The following UVRAG variants were observed in gnomAD, a reference collection of about 807,000 sequenced individuals.
UVRAG encodes UV radiation resistance associated.
UVRAG carries 19 observed loss-of-function variants against 78.0 expected under a neutral mutation model. The observed-to-expected ratio is 0.24, with a 90% CI of 0.17 to 0.36. The LOEUF (loss-of-function observed/expected upper bound fraction) is 0.36. Among genes scored for constraint, UVRAG ranks in the 10% least tolerant of loss-of-function variants. UVRAG has a pLI of 1.00. For synonymous variants in UVRAG, 323 were observed against 324.6 expected (o/e 1.00, Z 0.05); for missense variants, 740 against 853.8 (o/e 0.87, Z 1.66).
At chr11:75,960,926 C>A (rs1948897150) in intron 6 of UVRAG, among the ~76,000 whole-genome samples, 1 of 152,058 alleles carries the variant, frequency 6.6e-6, no homozygotes, top group Non-Finnish European at 1.5e-5. Flanking sequence ...GTATTTAATT[C>A]CTCCTATTAC....
At chr11:75,995,427 A>AT in intron 8 of UVRAG, among the ~76,000 whole-genome samples, 1 of 151,980 alleles carries the variant, frequency 6.6e-6, no homozygotes, top group East Asian at 1.9e-4. Context: ...ATTTCAGTGA[A>AT]TAAAAAGTTG....
At position 75,878,116 on chromosome 11, in the gene UVRAG, C is replaced by T. The variant is rs575210398; in HGVS notation, c.271-1763C>T. On this transcript the variant is annotated intron_variant, in intron 3 of 14. Coordinates refer to ENST00000356136, the MANE Select transcript of UVRAG (RefSeq NM_003369.4). The stretch of plus-strand genomic sequence containing the variant: ...CTCACTTCTCAGATGGGGCGGTTGC[C>T]GGGCGGAGGGTCTCCTCCCTTCTCA... Among the ~76,000 whole-genome samples, 88 of 150,142 alleles carry T rather than the reference C, an allele frequency of 5.9e-4. 1 individual carries two copies. In the East Asian group the frequency reaches 0.011, roughly 18 times the overall value.
At chr11:75,841,630 A>G (rs1194299132) in intron 1 of UVRAG, among the ~76,000 whole-genome samples, 1 of 152,206 alleles carries the variant, frequency 6.6e-6, no homozygotes, top group East Asian at 1.9e-4. Context: ...CAATACTGGA[A>G]TAAACATATT....
At position 76,054,851 on chromosome 11, in the gene UVRAG, T is replaced by C. The variant is rs116475543; in HGVS notation, c.1227-10859T>C. ...TAGAAGAGTGCCTATCACAAGGTGA[T>C]GATGCAGTAACTATTGCTAAACAAG... On this transcript the variant is annotated intron_variant, in intron 12 of 14. Coordinates refer to ENST00000356136, the MANE Select transcript of UVRAG (RefSeq NM_003369.4). 9.4e-3 allele frequency among the ~76,000 whole-genome samples: 1,430 copies of C among 152,370 alleles called. 22 individuals carry two copies. Among genetic ancestry groups the C allele is most frequent in the African/African-American group, 0.033 (1,362 of 41,586 alleles).
At chr11:76,072,317 T>G (rs1484496100) in intron 13 of UVRAG, among the ~76,000 whole-genome samples, 1 of 152,230 alleles carries the variant, frequency 6.6e-6, no homozygotes, top group Non-Finnish European at 1.5e-5. Flanking sequence ...TATGGGTTTG[T>G]AACTGGAGAT....
At chr11:75,926,681 G>A (rs1393694755) in intron 6 of UVRAG, among the ~76,000 whole-genome samples, 1 of 152,162 alleles carries the variant, frequency 6.6e-6, no homozygotes, top group African/African-American at 2.4e-5. Flanking sequence ...GGAGTATTCT[G>A]TTTAATTTGG....
intron 14 of UVRAG, among the ~76,000 whole-genome samples, chr11:76,116,692 T>TAGTG (rs1318364645): frequency 7.2e-5 from 11 of 152,162 alleles, no homozygotes; most frequent in African/African-American, 2.7e-4. Flanking sequence ...AATCCTTGGG[T>TAGTG]AGTGGGCAGT....
chr11:75,845,146 T>C (rs1946006964), intron 1 of UVRAG, among the ~76,000 whole-genome samples: 1 of 152,202 alleles, frequency 6.6e-6, no homozygotes, highest in Admixed American at 6.5e-5. Flanking sequence ...GAATAGGTTT[T>C]GATTTTGTAT....
chr11:75,861,903 A>G (rs1016462300), intron 3 of UVRAG, 123 bp downstream of exon 3: 13 of 761,232 alleles, frequency 1.7e-5, no homozygotes, highest in South Asian at 1.2e-4. Flanking sequence ...GATCTGCTCA[A>G]TTGTTAAATC....
intron 5 of UVRAG, chr11:75,892,251 C>A: frequency 1.2e-6 from 1 of 816,064 alleles, no homozygotes; most frequent in Non-Finnish European, 1.5e-6. Context: ...CTCTGAAGCC[C>A]AGCCATCAGA....
At chr11:76,074,527 AT>A (rs957635788) in intron 13 of UVRAG, among the ~76,000 whole-genome samples, 23 of 152,306 alleles carry the variant, frequency 1.5e-4, no homozygotes, top group African/African-American at 5.1e-4. Flanking sequence ...GATGATTTAC[AT>A]TTGTATAGAA....
chr11:75,831,514 A>C (rs1945658364), intron 1 of UVRAG, among the ~76,000 whole-genome samples: 1 of 152,092 alleles, frequency 6.6e-6, no homozygotes, highest in Non-Finnish European at 1.5e-5. Flanking sequence ...AAAAAAAAAA[A>C]ACAAAACTAG....
chr11:75,819,789 T>G (rs1676443922), intron 1 of UVRAG, among the ~76,000 whole-genome samples: 1 of 151,420 alleles, frequency 6.6e-6, no homozygotes, highest in Non-Finnish European at 1.5e-5. Flanking sequence ...GCCAACATGG[T>G]GAAACCCTGT....
intron 12 of UVRAG, among the ~76,000 whole-genome samples, chr11:76,061,230 G>C (rs1262159292): frequency 6.6e-6 from 1 of 152,166 alleles, no homozygotes. Flanking sequence ...TTGACACTCT[G>C]TATCTAGCTC....
At chr11:76,133,852 A>T (rs557736831) in intron 14 of UVRAG, among the ~76,000 whole-genome samples, 1 of 152,276 alleles carries the variant, frequency 6.6e-6, no homozygotes, top group East Asian at 1.9e-4. Context: ...GAAAAAAAGA[A>T]AAAAACCTAA....
At chr11:75,887,765 G>T (rs1230952656) in intron 4 of UVRAG, among the ~76,000 whole-genome samples, 1 of 151,730 alleles carries the variant, frequency 6.6e-6, no homozygotes, top group African/African-American at 2.4e-5. Flanking sequence ...TGTATTTTTA[G>T]TAGAGACGGG....
intron 12 of UVRAG, among the ~76,000 whole-genome samples, chr11:76,022,192 A>G (rs1293234508): frequency 6.6e-6 from 1 of 152,212 alleles, no homozygotes; most frequent in Non-Finnish European, 1.5e-5. Flanking sequence ...TAAATTATGA[A>G]GACTTGTTTT....
chr11:76,021,961 G>A (rs1950252826), intron 12 of UVRAG, among the ~76,000 whole-genome samples: 1 of 152,170 alleles, frequency 6.6e-6, no homozygotes, highest in South Asian at 2.1e-4. Context: ...AGCTGAGGTG[G>A]GATAATTGAT....
At chr11:75,824,131 T>C (rs992271811) in intron 1 of UVRAG, among the ~76,000 whole-genome samples, 2 of 152,210 alleles carry the variant, frequency 1.3e-5, no homozygotes, top group Non-Finnish European at 2.9e-5. Context: ...CGCAATGCAC[T>C]ACCATGCCGT....
Sources: gnomAD v4.1 joint callset for allele counts (sites outside exome capture counted in the v4.1 genomes callset) on GRCh38, gnomAD v4.1.1 for gene constraint, MANE v1.5 for transcripts, NCBI Gene and HGNC (gene_info 2026-07-23, HGNC 2026-07-21) for gene names.